Variants in B3GALT1 observed in about 807,000 individuals in gnomAD.
The protein encoded by B3GALT1 is UDP-Gal:betaGlcNAc beta 1,3-galactosyltransferase, polypeptide 1.
B3GALT1 carries 10 observed loss-of-function variants against 23.2 expected under a neutral mutation model. The observed-to-expected ratio is 0.43, with a 90% CI of 0.27 to 0.73. The LOEUF (loss-of-function observed/expected upper bound fraction) is 0.73, where lower values mean the gene tolerates loss of function less well. B3GALT1 is among the 30% of genes least tolerant of loss of function. The pLI, the probability that B3GALT1 is intolerant of heterozygous loss-of-function variation, is 0.21. For missense variants in B3GALT1, 299 were observed against 405.4 expected (o/e 0.74, Z 2.25); for synonymous variants, 156 against 141.5 (o/e 1.10, Z -0.73).
At chr2:167,485,130 G>T (rs1699608083) in intron 1 of B3GALT1, among the ~76,000 whole-genome samples, 1 of 152,008 alleles carries the variant, frequency 6.6e-6, no homozygotes. Context: ...AATCCTCTTG[G>T]CCAAGAGGAG....
chr2:167,527,691 T>C (rs543003991), intron 2 of B3GALT1, among the ~76,000 whole-genome samples: 2 of 152,274 alleles, frequency 1.3e-5, no homozygotes, highest in South Asian at 4.1e-4. Flanking sequence ...TGTGTACTGG[T>C]ATACAATTTT....
chr2:167,426,213 T>C (rs556620588), intron 1 of B3GALT1, among the ~76,000 whole-genome samples: 4 of 152,286 alleles, frequency 2.6e-5, no homozygotes, highest in African/African-American at 9.6e-5. Flanking sequence ...TCATAGTTCA[T>C]TGGCTCACTG....
At chr2:167,865,460 A>G (rs1426478891) in intron 4 of B3GALT1, among the ~76,000 whole-genome samples, 1 of 152,086 alleles carries the variant, frequency 6.6e-6, no homozygotes, top group Non-Finnish European at 1.5e-5. Context: ...GAACTATGCA[A>G]GAGGAGAAAT....
chr2:167,707,196 G>A (rs1257609465), intron 3 of B3GALT1, among the ~76,000 whole-genome samples: 1 of 152,180 alleles, frequency 6.6e-6, no homozygotes, highest in Non-Finnish European at 1.5e-5. Flanking sequence ...AAGCACCCAA[G>A]ATGATGGTGT....
intron 3 of B3GALT1, among the ~76,000 whole-genome samples, chr2:167,806,641 C>T (rs891141697): frequency 9.2e-5 from 14 of 152,140 alleles, no homozygotes; most frequent in Non-Finnish European, 1.9e-4. Flanking sequence ...TATGTTGAAC[C>T]AGCCTTGCAT....
intron 1 of B3GALT1, among the ~76,000 whole-genome samples, chr2:167,348,552 A>G (rs1354997824): frequency 6.6e-6 from 1 of 152,124 alleles, no homozygotes; most frequent in East Asian, 1.9e-4. Context: ...CAAACTTCTT[A>G]ATCTGTTATT....
At chr2:167,638,008 G>A (rs1685588711) in intron 2 of B3GALT1, among the ~76,000 whole-genome samples, 1 of 151,942 alleles carries the variant, frequency 6.6e-6, no homozygotes, top group Admixed American at 6.6e-5. Context: ...CAGCAAAGCT[G>A]CTTCCTTTGT....
intron 3 of B3GALT1, among the ~76,000 whole-genome samples, chr2:167,752,495 C>A: frequency 6.6e-6 from 1 of 150,494 alleles, no homozygotes; most frequent in Admixed American, 6.6e-5. Context: ...TGTAAACTTT[C>A]CAAAAAGAGG....
At chr2:167,366,569 A>G (rs781518678) in intron 1 of B3GALT1, among the ~76,000 whole-genome samples, 55 of 152,192 alleles carry the variant, frequency 3.6e-4, no homozygotes, top group Admixed American at 7.9e-4. Context: ...GTCATTAAAA[A>G]AAGATCAAAT....
intron 2 of B3GALT1, among the ~76,000 whole-genome samples, chr2:167,559,236 T>G (rs1021455732): frequency 2.6e-5 from 4 of 152,184 alleles, no homozygotes; most frequent in African/African-American, 9.7e-5. Flanking sequence ...CCAACAGACC[T>G]GCAGCTGAGG....
In B3GALT1 at chr2:167,466,900, T is replaced by G. The variant is rs1447286697; in HGVS notation, c.-510-23277T>G. The stretch of plus-strand genomic sequence containing the variant: ...GCTAATTTTTTTTTTTTTTTTTTTT[T>G]GTATTTTAGTAGAGAATTGGGTTTC... On this transcript the variant is annotated intron_variant, in intron 1 of 4. Coordinates refer to ENST00000392690, the MANE Select transcript of B3GALT1 (RefSeq NM_020981.4). Among the ~76,000 whole-genome samples, 29 of 141,994 alleles carry G rather than the reference T, an allele frequency of 2.0e-4. No homozygotes were observed. The East Asian group carries it at 6.0e-3, about 29-fold the overall frequency. 93.2% of individuals were successfully genotyped at this position (141,994 alleles called of 152,430 possible).
At chr2:167,300,263 T>A (rs1486059598) in intron 1 of B3GALT1, among the ~76,000 whole-genome samples, 2 of 152,222 alleles carry the variant, frequency 1.3e-5, no homozygotes, top group African/African-American at 2.4e-5. Flanking sequence ...AAATTTCTCC[T>A]GATTTTATGT....
intron 2 of B3GALT1, among the ~76,000 whole-genome samples, chr2:167,542,956 G>C (rs1228104073): frequency 6.6e-6 from 1 of 152,002 alleles, no homozygotes; most frequent in Non-Finnish European, 1.5e-5. Flanking sequence ...AAAGTTCTTG[G>C]TGTGAAAATG....
At chr2:167,683,083 A>G (rs961819985) in intron 3 of B3GALT1, among the ~76,000 whole-genome samples, 2 of 152,192 alleles carry the variant, frequency 1.3e-5, no homozygotes, top group African/African-American at 4.8e-5. Context: ...AGATTTTTAG[A>G]AAAACAATGG....
intron 2 of B3GALT1, among the ~76,000 whole-genome samples, chr2:167,533,366 G>A (rs567350518): frequency 1.6e-4 from 24 of 151,520 alleles, no homozygotes; most frequent in African/African-American, 5.1e-4. Flanking sequence ...AGTGAGTATC[G>A]ACACATCAAA....
At chr2:167,357,618 C>T (rs553940285) in intron 1 of B3GALT1, among the ~76,000 whole-genome samples, 1 of 152,192 alleles carries the variant, frequency 6.6e-6, no homozygotes, top group African/African-American at 2.4e-5. Context: ...TGTCAGGGAC[C>T]AATATGGTGC....
chr2:167,743,422 A>G (rs1405361588), intron 3 of B3GALT1, among the ~76,000 whole-genome samples: 2 of 152,152 alleles, frequency 1.3e-5, no homozygotes, highest in African/African-American at 2.4e-5. Context: ...TAAGAAAACA[A>G]TAGAATATTT....
At chr2:167,548,703 T>TGTGAGA (rs1683691421) in intron 2 of B3GALT1, among the ~76,000 whole-genome samples, 2 of 151,274 alleles carry the variant, frequency 1.3e-5, no homozygotes, top group South Asian at 2.1e-4. Context: ...TGTGTGTGTG[T>TGTGAGA]GTGTGTGTGT....
chr2:167,807,416 ATT>A (rs1019806593), intron 3 of B3GALT1, among the ~76,000 whole-genome samples: 1 of 151,960 alleles, frequency 6.6e-6, no homozygotes, highest in African/African-American at 2.4e-5. Context: ...TAGGGTGTCA[ATT>A]TTAGGTCTTT....
Sources: gnomAD v4.1 joint callset for allele counts (sites outside exome capture counted in the v4.1 genomes callset) on GRCh38, gnomAD v4.1.1 for gene constraint, MANE v1.5 for transcripts, NCBI Gene and HGNC (gene_info 2026-07-23, HGNC 2026-07-21) for gene names.